ARHGAP24: variants seen among roughly 807,000 people sequenced by gnomAD.
ARHGAP24 encodes Rho GTPase activating protein 24.
A neutral mutation model predicts 76.4 loss-of-function variants in ARHGAP24; 50 were observed. The ratio of observed to expected loss-of-function variants is 0.65; its 90% CI spans 0.52 to 0.83. The LOEUF (loss-of-function observed/expected upper bound fraction) is 0.83, where lower values mean the gene tolerates loss of function less well. ARHGAP24 is among the 40% of genes least tolerant of loss of function. The probability of loss-of-function intolerance (pLI) is 0.00; values close to 1 mark genes in which losing one functional copy is unlikely to be tolerated. For missense variants in ARHGAP24, 930 were observed against 914.2 expected (o/e 1.02, Z -0.22); for synonymous variants, 345 against 323.3 (o/e 1.07, Z -0.72).
intron 3 of ARHGAP24, 50 bp downstream of exon 3, chr4:85,722,022 A>G: frequency 6.5e-7 from 1 of 1,528,678 alleles, no homozygotes; most frequent in South Asian, 1.1e-5. Context: ...TGTGTTGGTA[A>G]AGGTGAAGAT....
chr4:85,833,736 A>G (rs2110138595), intron 3 of ARHGAP24, among the ~76,000 whole-genome samples: 1 of 152,366 alleles, frequency 6.6e-6, no homozygotes, highest in Middle Eastern at 3.4e-3. Flanking sequence ...GAAACTTGGA[A>G]GGTACAAACA....
intron 1 of ARHGAP24, among the ~76,000 whole-genome samples, chr4:85,493,297 C>G (rs1723430697): frequency 6.6e-6 from 1 of 152,210 alleles, no homozygotes. Flanking sequence ...ATACTTTCAG[C>G]TATGAATTTT....
At chr4:85,829,712 T>C (rs1578269778) in intron 3 of ARHGAP24, among the ~76,000 whole-genome samples, 1 of 152,348 alleles carries the variant, frequency 6.6e-6, no homozygotes, top group East Asian at 1.9e-4. Context: ...ACTGAAAAGA[T>C]GTACAGGAAG....
chr4:85,874,221 T>G (rs577594446), intron 3 of ARHGAP24, among the ~76,000 whole-genome samples: 32 of 152,310 alleles, frequency 2.1e-4, no homozygotes, highest in African/African-American at 7.5e-4. Flanking sequence ...CAGTCAGTCC[T>G]TCGCAGCTTT....
At position 85,937,198 on chromosome 4, in the gene ARHGAP24, G is replaced by C. The variant is rs553922434; in HGVS notation, c.392-4868G>C. Among the ~76,000 whole-genome samples, 4 of 152,270 alleles carry C rather than the reference G, an allele frequency of 2.6e-5. No individual in the cohort carries two copies. The East Asian group carries it at 7.7e-4, about 29-fold the overall frequency. On this transcript the variant is annotated intron_variant, in intron 4 of 9. Transcript: ENST00000395184. Reference sequence around the variant, plus strand: ...TACTGAATATCTAATCTAATGCAGTGGTAAGGAGCTTGGAGGTGACCAGCA... The same window carrying C: ...TACTGAATATCTAATCTAATGCAGTCGTAAGGAGCTTGGAGGTGACCAGCA...
intron 2 of ARHGAP24, among the ~76,000 whole-genome samples, chr4:85,651,502 G>T (rs895178545): frequency 6.7e-6 from 1 of 148,838 alleles, no homozygotes; most frequent in Non-Finnish European, 1.5e-5. Context: ...TACCTCCTAA[G>T]TGGAAAATTC....
chr4:85,677,635 A>T (rs577645045), intron 2 of ARHGAP24, among the ~76,000 whole-genome samples: 1 of 152,336 alleles, frequency 6.6e-6, no homozygotes, highest in South Asian at 2.1e-4. Context: ...AAAAGGAATA[A>T]AGTCCAGGTT....
intron 3 of ARHGAP24, among the ~76,000 whole-genome samples, chr4:85,850,326 G>T (rs1362629930): frequency 1.3e-5 from 2 of 152,164 alleles, no homozygotes; most frequent in East Asian, 3.9e-4. Context: ...GCATCTATTT[G>T]ATTCTTCTCT....
chr4:85,934,279 G>A (rs962063712), intron 4 of ARHGAP24, among the ~76,000 whole-genome samples: 3 of 152,158 alleles, frequency 2.0e-5, no homozygotes, highest in Non-Finnish European at 4.4e-5. Flanking sequence ...ATTCCCTGGA[G>A]TATAAGCCCC....
chr4:85,713,483 A>T (rs1344368246), intron 2 of ARHGAP24, among the ~76,000 whole-genome samples: 2 of 152,170 alleles, frequency 1.3e-5, no homozygotes, highest in Non-Finnish European at 2.9e-5. Context: ...ATTTTTTTCT[A>T]AGCATGTTGG....
intron 2 of ARHGAP24, among the ~76,000 whole-genome samples, chr4:85,680,855 A>G (rs1019698601): frequency 6.6e-6 from 1 of 151,374 alleles, no homozygotes; most frequent in East Asian, 1.9e-4. Flanking sequence ...TTTGAGTATC[A>G]CAGCCTTCCT....
At chr4:85,522,908 TC>T (rs1017410710) in intron 1 of ARHGAP24, among the ~76,000 whole-genome samples, 46 of 152,022 alleles carry the variant, frequency 3.0e-4, no homozygotes, top group Admixed American at 1.0e-3. Context: ...CTTTGACTTT[TC>T]TTTTGCCTTT....
At chr4:85,540,435 A>G (rs1725632003) in intron 1 of ARHGAP24, among the ~76,000 whole-genome samples, 1 of 152,226 alleles carries the variant, frequency 6.6e-6, no homozygotes, top group African/African-American at 2.4e-5. Flanking sequence ...AGATGAATAC[A>G]ATAAAATCCT....
chr4:85,604,423 A>G (rs886436947), intron 2 of ARHGAP24: 2 of 152,236 alleles, frequency 1.3e-5, no homozygotes, highest in East Asian at 3.8e-4. Flanking sequence ...ACATGATTGA[A>G]ATTAACTTTG....
intron 3 of ARHGAP24, among the ~76,000 whole-genome samples, chr4:85,884,770 G>T (rs1166716531): frequency 6.6e-6 from 1 of 152,084 alleles, no homozygotes; most frequent in Non-Finnish European, 1.5e-5. Context: ...TGGCAGCTTT[G>T]ATAAAGAAAT....
chr4:85,737,540 C>T (rs1320234499), intron 3 of ARHGAP24, among the ~76,000 whole-genome samples: 1 of 152,182 alleles, frequency 6.6e-6, no homozygotes, highest in Non-Finnish European at 1.5e-5. Flanking sequence ...GTATGTTAAT[C>T]GTGGCTGAAA....
intron 5 of ARHGAP24, among the ~76,000 whole-genome samples, chr4:85,962,776 A>T (rs1738339316): frequency 6.6e-6 from 1 of 151,410 alleles, no homozygotes; most frequent in Non-Finnish European, 1.5e-5. Flanking sequence ...GCCCATGTTT[A>T]TTAAAAGTCT....
intron 8 of ARHGAP24, among the ~76,000 whole-genome samples, chr4:85,984,045 C>A (rs1235819538): frequency 6.6e-6 from 1 of 152,178 alleles, no homozygotes; most frequent in Non-Finnish European, 1.5e-5. Flanking sequence ...CCTACAGGAA[C>A]TTACAGCCTA....
chr4:85,577,373 G>A (rs1367290912), intron 2 of ARHGAP24, among the ~76,000 whole-genome samples: 1 of 152,080 alleles, frequency 6.6e-6, no homozygotes, highest in Non-Finnish European at 1.5e-5. Flanking sequence ...CAGTGATTTT[G>A]CAATTTTAAC....
Sources: gnomAD v4.1 joint callset for allele counts (sites outside exome capture counted in the v4.1 genomes callset) on GRCh38, gnomAD v4.1.1 for gene constraint, MANE v1.5 for transcripts, NCBI Gene and HGNC (gene_info 2026-07-23, HGNC 2026-07-21) for gene names.